The following ITGB5 variants were observed in gnomAD, a reference collection of about 807,000 sequenced individuals.
ITGB5 encodes integrin beta-5.
Under a neutral mutation model 84.8 loss-of-function variants are expected in ITGB5, and 38 were observed. The observed-to-expected ratio is 0.45, with a 90% CI of 0.35 to 0.59. The LOEUF (loss-of-function observed/expected upper bound fraction) is 0.59. Ranked by LOEUF, ITGB5 falls within the 20% of genes least tolerant of loss-of-function variation. ITGB5 has a pLI of 0.01. For missense variants in ITGB5, 905 were observed against 1,034.5 expected, an observed-to-expected ratio of 0.87 and a Z score of 1.72; for synonymous variants, 393 against 414.4, an observed-to-expected ratio of 0.95 and a Z score of 0.63.
intron 5 of ITGB5, among the ~76,000 whole-genome samples, chr3:124,831,349 C>T (rs1297485934): frequency 6.6e-6 from 1 of 152,184 alleles, no homozygotes; most frequent in Non-Finnish European, 1.5e-5. Flanking sequence ...GAGCATGAGG[C>T]CTGTGTTTGG....
Position 124,841,446 on chromosome 3 carries a change from C to A in ITGB5, c.717G>T (p.Val239=). The part of the protein sequence containing the change: ...SFNEEVRKQR[V]SRNRDAPEGG... ...CCTCAGGGGCATCTCGGTTCCGGGA[C>A]ACCCTCTGTTTCCGAACTTCCTCAT... Residue 239 remains valine, a synonymous_variant, in exon 5 of 15, where the codon GTG becomes GTT. Coordinates refer to ENST00000296181, the MANE Select transcript of ITGB5 (RefSeq NM_002213.5). 6.2e-7 allele frequency: 1 copy of A among 1,614,224 alleles called. No homozygotes were observed. The highest frequency in any genetic ancestry group is 8.5e-7 in the Non-Finnish European group (1 of 1,180,036).
chr3:124,764,886 T>C (rs953036533), intron 13 of ITGB5, among the ~76,000 whole-genome samples: 4 of 152,174 alleles, frequency 2.6e-5, no homozygotes, highest in Non-Finnish European at 5.9e-5. Flanking sequence ...TTCGTGTACA[T>C]GGTTTCAGGA....
rs139046499 is a variant in ITGB5, at chr3:124,773,800, G to A, written c.1806C>T (p.Cys602=). The A allele has an allele frequency of 1.6e-4, 256 of 1,613,982 alleles. 2 individuals are homozygous for A. The East Asian group carries it at 5.1e-3, about 32-fold the overall frequency. ...STCRGRDGQI[C]SERGHCLCGQ... The stretch of plus-strand genomic sequence containing the variant: ...CACAGAGACAGTGCCCACGCTCGCT[G>A]CAGATCTGGCCATCTCTGCCCCGGC... Residue 602 remains cysteine, a synonymous_variant, in exon 11 of 15, where the codon TGC becomes TGT. Transcript: ENST00000296181.
intron 5 of ITGB5, among the ~76,000 whole-genome samples, chr3:124,828,828 G>A (rs1237329447): frequency 6.6e-6 from 1 of 152,218 alleles, no homozygotes; most frequent in Admixed American, 6.5e-5. Flanking sequence ...GAATTTAGGT[G>A]CATGGGCTCA....
intron 5 of ITGB5, among the ~76,000 whole-genome samples, chr3:124,835,222 G>A (rs1300669875): frequency 1.3e-5 from 2 of 152,330 alleles, no homozygotes; most frequent in East Asian, 3.9e-4. Flanking sequence ...GCTCAACCCA[G>A]AACAGCAGCT....
chr3:124,774,603 G>C (rs1026866131), intron 10 of ITGB5, among the ~76,000 whole-genome samples: 1 of 152,170 alleles, frequency 6.6e-6, no homozygotes, highest in Non-Finnish European at 1.5e-5. Context: ...ATGATTTCAG[G>C]CTTCTGACCT....
At chr3:124,842,207 A>G (rs1349653025) in intron 4 of ITGB5, among the ~76,000 whole-genome samples, 3 of 152,384 alleles carry the variant, frequency 2.0e-5, no homozygotes, top group Middle Eastern at 3.4e-3. Flanking sequence ...GAAACTAAGC[A>G]TCTTCAAATG....
At chr3:124,891,593 CAAAAA>C (rs59385283), upstream of ITGB5, among the ~76,000 whole-genome samples, 2 of 103,706 alleles carry the variant, frequency 1.9e-5, no homozygotes, top group Non-Finnish European at 2.0e-5. Context: ...ATAACTGCCT[CAAAAA>C]AAAAAAAAAA....
chr3:124,890,889 A>G (rs748542580), upstream of ITGB5, among the ~76,000 whole-genome samples: 15 of 151,342 alleles, frequency 9.9e-5, no homozygotes, highest in Non-Finnish European at 2.1e-4. Flanking sequence ...TTTTTTTATT[A>G]AGCTGGAGAG....
At chr3:124,807,626 C>T (rs1225614351) in intron 9 of ITGB5, among the ~76,000 whole-genome samples, 1 of 151,906 alleles carries the variant, frequency 6.6e-6, no homozygotes, top group Non-Finnish European at 1.5e-5. Flanking sequence ...GAGCGAGGCA[C>T]TGCAGAAAGA....
chr3:124,857,610 A>T (rs2107615537), intron 3 of ITGB5, among the ~76,000 whole-genome samples: 1 of 152,344 alleles, frequency 6.6e-6, no homozygotes, highest in East Asian at 1.9e-4. Flanking sequence ...ACAGCAAAAA[A>T]TCAGTAAAAT....
chr3:124,874,540 T>A (rs1934217915), intron 1 of ITGB5, among the ~76,000 whole-genome samples: 1 of 152,122 alleles, frequency 6.6e-6, no homozygotes, highest in African/African-American at 2.4e-5. Context: ...GAAACCCAAA[T>A]AGCCAAAACA....
intron 5 of ITGB5, among the ~76,000 whole-genome samples, chr3:124,824,575 C>T (rs1210398745): frequency 1.3e-5 from 2 of 152,208 alleles, no homozygotes; most frequent in East Asian, 3.9e-4. Context: ...TTGAAAAATA[C>T]TGTGGAGAAA....
intron 1 of ITGB5, among the ~76,000 whole-genome samples, chr3:124,874,493 A>G (rs1222938924): frequency 6.6e-6 from 1 of 152,216 alleles, no homozygotes; most frequent in Admixed American, 6.5e-5. Flanking sequence ...TAGAAAAAAC[A>G]ATCCTAAAAT....
chr3:124,803,286 G>C (rs548349916), intron 9 of ITGB5, among the ~76,000 whole-genome samples: 11 of 152,246 alleles, frequency 7.2e-5, no homozygotes, highest in Middle Eastern at 6.8e-3. Context: ...TGTGGGAAAC[G>C]CATGCACTGT....
rs552370541 is a variant in ITGB5, at chr3:124,849,806, G to A, written c.362-1248C>T. Among the ~76,000 whole-genome samples the A allele has an allele frequency of 3.3e-4, 43 of 128,632 alleles. 1 individual carries two copies. The South Asian group carries it at 0.011, about 33-fold the overall frequency. 84.4% of individuals were successfully genotyped at this position (128,632 alleles called of 152,430 possible). On this transcript the variant is annotated intron_variant, in intron 3 of 14. Coordinates refer to ENST00000296181, the MANE Select transcript of ITGB5 (RefSeq NM_002213.5). ...GCAATAACTGGAAGACCCAGGCCAC[G>A]ATAATGATCTTGAAATCATTTCATA...
intron 3 of ITGB5, among the ~76,000 whole-genome samples, chr3:124,850,616 C>A (rs1215951081): frequency 6.6e-6 from 1 of 151,234 alleles, no homozygotes; most frequent in Non-Finnish European, 1.5e-5. Context: ...GTGGGTGCAG[C>A]GCACCAGCAT....
Position 124,821,345 on chromosome 3 carries a change from C to T in ITGB5, c.910G>A (p.Glu304Lys), listed in dbSNP as rs757532669. The change falls in exon 6 of 15, where the codon GAG becomes AAG. Residue 304 changes from glutamate to lysine, a missense_variant. This residue lies in a region of ITGB5 where 656 missense variants were observed against 734.7 expected (regional missense o/e 0.89). Transcript: ENST00000296181. ...TTGGATGCAGTGTACTCGTTGGCCT[C>T]GTTCAGGTGGCACTGGCCATCGTGT... The part of the protein sequence containing the change: ...QPHDGQCHLN[E>K]ANEYTASNQM... 35 of 1,613,992 alleles carry T rather than the reference C, an allele frequency of 2.2e-5. No individual in the cohort carries two copies. Among genetic ancestry groups the T allele is most frequent in the South Asian group, 3.3e-5 (3 of 91,076 alleles).
At position 124,838,555 on chromosome 3, in the gene ITGB5, C is replaced by T. The variant is rs1005366625; in HGVS notation, c.780+2828G>A. On this transcript the variant is annotated intron_variant, in intron 5 of 14. Transcript: ENST00000296181. ...AGGGAGCCAAGAGAGAGCAAAGTTA[C>T]TATTAAAGCCATCTGATACTAATAC... is the stretch of plus-strand genomic sequence containing the variant. Among the ~76,000 whole-genome samples the T allele has an allele frequency of 2.2e-4, 34 of 152,196 alleles. 1 individual carries two copies. The highest frequency in any genetic ancestry group is 8.2e-4 in the African/African-American group (34 of 41,524).
Sources: gnomAD v4.1 joint callset for allele counts (sites outside exome capture counted in the v4.1 genomes callset) on GRCh38, gnomAD v4.1.1 for gene constraint, gnomAD v4.1.1 regional missense constraint, MANE v1.5 for transcripts, NCBI Gene and HGNC (gene_info 2026-07-23, HGNC 2026-07-21) for gene names.